Variants in ADAMTSL3 observed in about 807,000 individuals in gnomAD.
ADAMTSL3 encodes the protein ADAMTS like 3, also known as ADAMTS-like protein 3.
ADAMTSL3 carries 128 observed loss-of-function variants against 201.7 expected under a neutral mutation model. The ratio of observed to expected loss-of-function variants is 0.63; its 90% confidence interval spans 0.55 to 0.73. The LOEUF (loss-of-function observed/expected upper bound fraction) is 0.73. Among genes scored for constraint, ADAMTSL3 ranks in the 30% least tolerant of loss-of-function variants. The pLI is 0.00. For missense variants in ADAMTSL3, 1,990 were observed against 2,119.6 expected (o/e 0.94, Z 1.20); for synonymous variants, 738 against 748.4 (o/e 0.99, Z 0.23).
chr15:83,881,791 G>T (rs1377042373), intron 9 of ADAMTSL3, among the ~76,000 whole-genome samples: 1 of 151,824 alleles, frequency 6.6e-6, no homozygotes, highest in Non-Finnish European at 1.5e-5. Flanking sequence ...GGAGGCGAAG[G>T]TTGCAGTGAG....
At chr15:83,869,030 A>G (rs1301693460) in intron 8 of ADAMTSL3, among the ~76,000 whole-genome samples, 1 of 152,168 alleles carries the variant, frequency 6.6e-6, no homozygotes, top group Admixed American at 6.5e-5. Context: ...AGGTTAGCAC[A>G]ATGGTAAAGC....
chr15:83,669,269 C>A (rs965427708), intron 2 of ADAMTSL3, among the ~76,000 whole-genome samples: 2 of 152,040 alleles, frequency 1.3e-5, no homozygotes, highest in African/African-American at 4.8e-5. Context: ...CCTTAGCCAC[C>A]CCAGTAGCTG....
intron 2 of ADAMTSL3, among the ~76,000 whole-genome samples, chr15:83,691,264 A>C (rs998039839): frequency 4.6e-5 from 7 of 152,210 alleles, no homozygotes; most frequent in African/African-American, 1.7e-4. Context: ...TACAGTAGAG[A>C]GACAAAATTA....
At chr15:84,032,453 C>T (rs553067543) in intron 28 of ADAMTSL3, among the ~76,000 whole-genome samples, 1 of 152,344 alleles carries the variant, frequency 6.6e-6, no homozygotes, top group African/African-American at 2.4e-5. Context: ...AACGGCTGCT[C>T]TCATTCTCAA....
chr15:83,985,723 C>T (rs2067463018), intron 21 of ADAMTSL3, among the ~76,000 whole-genome samples: 2 of 152,084 alleles, frequency 1.3e-5, no homozygotes, highest in African/African-American at 2.4e-5. Flanking sequence ...ACCTCTGCCT[C>T]CTCGTTTCAA....
At chr15:83,676,881 T>C (rs1007599412) in intron 2 of ADAMTSL3, among the ~76,000 whole-genome samples, 7 of 152,222 alleles carry the variant, frequency 4.6e-5, no homozygotes, top group Non-Finnish European at 7.3e-5. Flanking sequence ...CCTCACCAGA[T>C]ACTGGACTTG....
chr15:83,731,563 C>G (rs1180523165), intron 3 of ADAMTSL3, among the ~76,000 whole-genome samples: 1 of 151,834 alleles, frequency 6.6e-6, no homozygotes, highest in Non-Finnish European at 1.5e-5. Flanking sequence ...AGGTATGTAT[C>G]CAAAGGAAAT....
Position 83,654,461 on chromosome 15 carries a change from C to A in ADAMTSL3, c.-34+185C>A, listed in dbSNP as rs1039949294. Among the ~76,000 whole-genome samples the A allele has an allele frequency of 4.6e-5, 7 of 151,992 alleles. No individual in the cohort carries two copies. The highest frequency in any genetic ancestry group is 1.7e-4 in the African/African-American group (7 of 41,394). ...GGGTGCTCCTCACTGCTGGGCACCT[C>A]GGGTCGGGCGCGCTTCGTGCCGTCC... On this transcript the variant is annotated intron_variant, in intron 1 of 29. Transcript: ENST00000286744. The surrounding 1 kb of genome is among the most constrained non-coding windows in gnomAD (Gnocchi z 5.3).
intron 3 of ADAMTSL3, among the ~76,000 whole-genome samples, chr15:83,709,755 A>G (rs527249600): frequency 6.6e-6 from 1 of 152,282 alleles, no homozygotes; most frequent in South Asian, 2.1e-4. Flanking sequence ...TGTTTTTTGC[A>G]TAAATATTCT....
At chr15:83,962,338 G>A (rs1250975296) in intron 19 of ADAMTSL3, 1 of 152,088 alleles carries the variant, frequency 6.6e-6, no homozygotes, top group Non-Finnish European at 1.5e-5. Context: ...ATGTAAGTGT[G>A]CTTATTTCCT....
chr15:83,717,373 C>G (rs1466187003), intron 3 of ADAMTSL3: 1 of 152,184 alleles, frequency 6.6e-6, no homozygotes, highest in Admixed American at 6.5e-5. Context: ...TGTATAAGAA[C>G]TGTATGAGAT....
chr15:83,783,545 G>T (rs980245149), intron 4 of ADAMTSL3, among the ~76,000 whole-genome samples: 1 of 151,866 alleles, frequency 6.6e-6, no homozygotes, highest in Non-Finnish European at 1.5e-5. Context: ...GAAAATAAAA[G>T]CATGGAAAAA....
At chr15:83,932,494 A>C (rs985211968) in intron 17 of ADAMTSL3, among the ~76,000 whole-genome samples, 1 of 152,174 alleles carries the variant, frequency 6.6e-6, no homozygotes, top group Non-Finnish European at 1.5e-5. Flanking sequence ...TCCCCATACA[A>C]AGCCAGGGTC....
intron 27 of ADAMTSL3, among the ~76,000 whole-genome samples, chr15:84,030,968 C>T (rs1447548793): frequency 6.6e-6 from 1 of 152,150 alleles, no homozygotes; most frequent in Non-Finnish European, 1.5e-5. Context: ...GAAGAAGGTG[C>T]CTTGTTTCCC....
At chr15:83,700,661 G>T (rs28684691) in intron 2 of ADAMTSL3, among the ~76,000 whole-genome samples, 5 of 152,146 alleles carry the variant, frequency 3.3e-5, no homozygotes, top group African/African-American at 1.2e-4. Context: ...CTACTAGGAA[G>T]GCTGAGGCAG....
At chr15:83,933,644 T>G (rs114898979) in intron 17 of ADAMTSL3, among the ~76,000 whole-genome samples, 2,202 of 152,294 alleles carry the variant, frequency 0.014, 59 homozygotes, top group African/African-American at 0.047. Flanking sequence ...ATGGGGGAAA[T>G]GTCTCCAGGG....
chr15:83,716,510 C>T (rs201525903), intron 3 of ADAMTSL3, among the ~76,000 whole-genome samples: 2 of 138,752 alleles, frequency 1.4e-5, no homozygotes, highest in South Asian at 2.3e-4. Context: ...AGCAAAACTC[C>T]GTCTCAAAAA....
chr15:83,917,779 AT>A (rs767293261), intron 16 of ADAMTSL3, among the ~76,000 whole-genome samples: 12 of 152,200 alleles, frequency 7.9e-5, no homozygotes, highest in South Asian at 2.1e-4. Flanking sequence ...ATTTGTTTAA[AT>A]TTGTAGAGTT....
chr15:83,842,961 A>G (rs2064413596), intron 7 of ADAMTSL3, among the ~76,000 whole-genome samples: 1 of 152,230 alleles, frequency 6.6e-6, no homozygotes, highest in East Asian at 1.9e-4. Flanking sequence ...ACCAGGGTAA[A>G]TGCCAGATGA....
Sources: allele counts gnomAD v4.1 joint callset (sites outside exome capture counted in the v4.1 genomes callset), GRCh38; gene constraint gnomAD v4.1.1; non-coding constraint Gnocchi (gnomAD v3.1); transcripts MANE v1.5; gene names NCBI Gene and HGNC (gene_info 2026-07-23, HGNC 2026-07-21).